DCUN1D3: variants seen among roughly 807,000 people sequenced by gnomAD.
DCUN1D3 encodes DCN1-like protein 3.
Under a neutral mutation model 24.8 loss-of-function variants are expected in DCUN1D3, and 6 were observed. That is an observed-to-expected ratio of 0.24 (90% CI 0.13 to 0.48). The LOEUF (loss-of-function observed/expected upper bound fraction) is 0.48. Among genes scored for constraint, DCUN1D3 ranks in the 20% least tolerant of loss-of-function variants. The probability of loss-of-function intolerance (pLI) is 0.99; values close to 1 mark genes in which losing one functional copy is unlikely to be tolerated. For synonymous variants in DCUN1D3, 120 were observed against 144.9 expected (o/e 0.83, Z 1.24); for missense variants, 258 against 379.4 (o/e 0.68, Z 2.66).
In DCUN1D3 at chr16:20,856,510, C is replaced by T. The variant is rs2081703555; in HGVS notation, c.*3376G>A. The stretch of plus-strand genomic sequence containing the variant: ...TTAATATTGAAAACACTGCCTTGTA[C>T]ATTTTCAATTGTTATTTTCCTGGGC... On this transcript the variant is annotated 3_prime_UTR_variant, in exon 3 of 3. Transcript: ENST00000324344. 1 of 152,158 alleles carries T rather than the reference C, an allele frequency of 6.6e-6. No homozygotes were observed. The highest frequency in any genetic ancestry group is 2.4e-5 in the African/African-American group (1 of 41,430). The allele number at this position is 152,158 out of a possible 1,614,324, so 9.4% of individuals were successfully genotyped here. A position where few individuals can be genotyped will look rare whatever the true frequency, so the allele number is the denominator to read the frequency against.
chr16:20,862,635 C>A lies in DCUN1D3; in HGVS notation c.-97G>T. 6.6e-7 allele frequency: 1 copy of A among 1,516,966 alleles called. No individual in the cohort carries two copies. Among genetic ancestry groups the A allele is most frequent in the African/African-American group, 1.4e-5 (1 of 72,084 alleles). The allele number at this position is 1,516,966 out of a possible 1,614,324, so 94.0% of individuals were successfully genotyped here. ...CTCAACATGCCATCAGCCAGAGGAG[C>A]CAGCCAACCTGGAAGGAAATTAGAA... On this transcript the variant is annotated 5_prime_UTR_variant, in exon 2 of 3. Transcript: ENST00000324344.
intron 1 of DCUN1D3, among the ~76,000 whole-genome samples, chr16:20,891,192 C>G (rs1208713503): frequency 6.6e-6 from 1 of 151,936 alleles, no homozygotes; most frequent in African/African-American, 2.4e-5. Context: ...TGGGGTTTCA[C>G]CATCTTGGCC....
At chr16:20,865,338 C>T (rs2081756367) in intron 1 of DCUN1D3, among the ~76,000 whole-genome samples, 1 of 152,038 alleles carries the variant, frequency 6.6e-6, no homozygotes, top group Non-Finnish European at 1.5e-5. Flanking sequence ...ATAACAAACT[C>T]GTCATGGTGG....
rs1027044335 is a variant in DCUN1D3, at chr16:20,898,353, GTCTC to G, written c.-106+1847_-106+1850del. Among the ~76,000 whole-genome samples, 88 of 152,134 alleles carry G rather than the reference GTCTC, an allele frequency of 5.8e-4. 2 individuals are homozygous for G. The highest frequency in any genetic ancestry group is 1.9e-4 in the Non-Finnish European group (13 of 68,028). On this transcript the variant is annotated intron_variant, in intron 1 of 2. Coordinates refer to ENST00000324344, the MANE Select transcript of DCUN1D3 (RefSeq NM_173475.4). ...TCTGGTTTACTGGGATATATATTAT[GTCTC>G]TCTCTGTCCCCAGCTCCCACTCCGA...
chr16:20,863,893 T>C (rs2081746230), intron 1 of DCUN1D3, among the ~76,000 whole-genome samples: 1 of 152,160 alleles, frequency 6.6e-6, no homozygotes, highest in African/African-American at 2.4e-5. Flanking sequence ...ATTCAATAAA[T>C]GGTGCTGGGA....
intron 1 of DCUN1D3, among the ~76,000 whole-genome samples, chr16:20,867,060 C>T (rs1007008796): frequency 5.9e-5 from 9 of 152,306 alleles, no homozygotes; most frequent in South Asian, 2.1e-4. Context: ...GCACTTGATA[C>T]GGTGCCAGGC....
At chr16:20,895,552 A>C (rs1301659169) in intron 1 of DCUN1D3, among the ~76,000 whole-genome samples, 1 of 152,182 alleles carries the variant, frequency 6.6e-6, no homozygotes, top group Non-Finnish European at 1.5e-5. Context: ...ATCATTTGTG[A>C]ATTTGGTAAC....
chr16:20,870,792 T>C (rs533448146), intron 1 of DCUN1D3, among the ~76,000 whole-genome samples: 1 of 152,298 alleles, frequency 6.6e-6, no homozygotes, highest in South Asian at 2.1e-4. Context: ...TCTAAATAGT[T>C]TGTAGAGCTA....
At chr16:20,878,082 G>A (rs1429670403) in intron 1 of DCUN1D3, among the ~76,000 whole-genome samples, 3 of 152,192 alleles carry the variant, frequency 2.0e-5, no homozygotes, top group Non-Finnish European at 4.4e-5. Flanking sequence ...GTTTATGGGT[G>A]TGAGCACTGG....
Position 20,876,432 on chromosome 16 carries a change from TGA to T in DCUN1D3, c.-105-13791_-105-13790del, listed in dbSNP as rs1491474926. Among the ~76,000 whole-genome samples, 681 of 93,774 alleles carry T rather than the reference TGA, an allele frequency of 7.3e-3. 5 individuals carry two copies. The highest frequency in any genetic ancestry group is 0.024 in the African/African-American group (631 of 26,778). 61.5% of individuals were successfully genotyped at this position (93,774 alleles called of 152,430 possible). On this transcript the variant is annotated intron_variant, in intron 1 of 2. Transcript: ENST00000324344. ...TATCTCACCCCAGTTAAAATGGTTA[TGA>T]AAAAAAAAAAAAACAGAATAATGAA...
At chr16:20,864,053 T>C (rs971470760) in intron 1 of DCUN1D3, among the ~76,000 whole-genome samples, 1 of 152,172 alleles carries the variant, frequency 6.6e-6, no homozygotes, top group African/African-American at 2.4e-5. Flanking sequence ...ATCCTGGACA[T>C]AGAACCAGGC....
intron 1 of DCUN1D3, among the ~76,000 whole-genome samples, chr16:20,866,834 T>A (rs927617888): frequency 1.3e-5 from 2 of 152,124 alleles, no homozygotes; most frequent in Admixed American, 6.5e-5. Flanking sequence ...GGTCCCCCGA[T>A]TACTCTGATT....
intron 1 of DCUN1D3, among the ~76,000 whole-genome samples, chr16:20,870,881 G>C (rs1192331310): frequency 6.6e-6 from 1 of 152,160 alleles, no homozygotes; most frequent in Non-Finnish European, 1.5e-5. Context: ...GAATTCCTCA[G>C]ACAGCTTTTC....
At position 20,860,083 on chromosome 16, in the gene DCUN1D3, G is replaced by A. The variant is rs921234573; in HGVS notation, c.718C>T (p.Arg240Trp). ...ENPSGIKGISRDTWNMFLNFT... is the reference protein window; with the variant it reads ...ENPSGIKGISWDTWNMFLNFT... ...TTAAGGAACATGTTCCAAGTGTCCCGGGAGATGCCCTTGATCCCCGAGGGG... is the reference window on the plus strand; with the variant it reads ...TTAAGGAACATGTTCCAAGTGTCCCAGGAGATGCCCTTGATCCCCGAGGGG... Residue 240 changes from arginine (R) to tryptophan (W), a missense_variant, in exon 3 of 3, where the codon CGG becomes TGG. Physicochemically the swap from Arg to Trp is moderately radical, Grantham distance 101. Coordinates refer to ENST00000324344, the MANE Select transcript of DCUN1D3 (RefSeq NM_173475.4). This position sits in a 1 kb window ranked among gnomAD's most constrained non-coding sequence, Gnocchi z 4.3. The A allele has an allele frequency of 1.9e-6, 3 of 1,614,236 alleles. No homozygotes were observed. Among genetic ancestry groups the A allele is most frequent in the African/African-American group, 1.3e-5 (1 of 75,070 alleles).
chr16:20,882,629 A>G (rs924281248), intron 1 of DCUN1D3, among the ~76,000 whole-genome samples: 14 of 152,178 alleles, frequency 9.2e-5, no homozygotes, highest in African/African-American at 3.4e-4. Context: ...TTATGTTCCA[A>G]CCAGACAATA....
chr16:20,862,178 C>G lies in DCUN1D3; in HGVS notation c.361G>C (p.Asp121His). The change falls in exon 2 of 3, where the codon GAC (aspartate) becomes CAC (histidine). Residue 121 changes from aspartate (D) to histidine (H), a missense_variant. Asp to His is a moderately conservative substitution (Grantham distance 81, BLOSUM62 -1). Coordinates refer to ENST00000324344, the MANE Select transcript of DCUN1D3 (RefSeq NM_173475.4). The stretch of plus-strand genomic sequence containing the variant: ...AGCAGCACTCGAAATTCTGTGGGGT[C>G]AACACACAGGTCATTGCAAAAGCGC... ...MERFCNDLCV[D>H]PTEFRVLLLA... The G allele has an allele frequency of 6.2e-7, 1 of 1,614,206 alleles. No individual in the cohort carries two copies. Among genetic ancestry groups the G allele is most frequent in the Non-Finnish European group, 8.5e-7 (1 of 1,180,040 alleles).
chr16:20,869,717 T>C (rs113836102), intron 1 of DCUN1D3, among the ~76,000 whole-genome samples: 1 of 152,174 alleles, frequency 6.6e-6, no homozygotes, highest in African/African-American at 2.4e-5. Context: ...TTGGCATGAA[T>C]TATCACATGT....
At chr16:20,874,607 T>A (rs369906923) in intron 1 of DCUN1D3, among the ~76,000 whole-genome samples, 1 of 152,214 alleles carries the variant, frequency 6.6e-6, no homozygotes, top group South Asian at 2.1e-4. Context: ...CCATATCCCA[T>A]GAAACTGAAA....
chr16:20,892,227 G>C (rs2081895419), intron 1 of DCUN1D3, among the ~76,000 whole-genome samples: 1 of 152,130 alleles, frequency 6.6e-6, no homozygotes, highest in African/African-American at 2.4e-5. Flanking sequence ...AAATTTCTAA[G>C]AGAAAAAGAA....
Sources: gnomAD v4.1 joint callset for allele counts (sites outside exome capture counted in the v4.1 genomes callset) on GRCh38, gnomAD v4.1.1 for gene constraint, Gnocchi (gnomAD v3.1) non-coding constraint, MANE v1.5 for transcripts, NCBI Gene and HGNC (gene_info 2026-07-23, HGNC 2026-07-21) for gene names.